Variants in PLCB1 observed in about 807,000 individuals in gnomAD.
The protein encoded by PLCB1 is phospholipase C beta 1, also known as 1-phosphatidylinositol 4,5-bisphosphate phosphodiesterase beta-1.
Under a neutral mutation model 161.8 loss-of-function variants are expected in PLCB1, and 46 were observed. The observed-to-expected ratio is 0.28, with a 90% confidence interval of 0.22 to 0.36. PLCB1 has a LOEUF of 0.36. Ranked by LOEUF, PLCB1 falls within the 10% of genes least tolerant of loss-of-function variation. The pLI is 1.00. For missense variants in PLCB1, 1,016 were observed against 1,472.5 expected, an observed-to-expected ratio of 0.69 and a Z score of 5.07; for synonymous variants, 517 against 503.7, an observed-to-expected ratio of 1.03 and a Z score of -0.35.
chr20:8,401,639 C>A (rs1978556787), intron 3 of PLCB1, among the ~76,000 whole-genome samples: 1 of 152,168 alleles, frequency 6.6e-6, no homozygotes, highest in African/African-American at 2.4e-5. Flanking sequence ...AAAAACATTC[C>A]AAGATAGCTA....
At chr20:8,768,720 G>T (rs896995531) in intron 26 of PLCB1, among the ~76,000 whole-genome samples, 2 of 152,296 alleles carry the variant, frequency 1.3e-5, no homozygotes, top group Middle Eastern at 6.8e-3. Flanking sequence ...AGGTCATGGC[G>T]TGGTGCCCCC....
chr20:8,583,293 A>G (rs2123085093), intron 3 of PLCB1, among the ~76,000 whole-genome samples: 1 of 152,312 alleles, frequency 6.6e-6, no homozygotes, highest in East Asian at 1.9e-4. Flanking sequence ...ATGATTGTAC[A>G]ACAACATGGA....
chr20:8,200,427 G>A (rs1294555381), intron 2 of PLCB1, among the ~76,000 whole-genome samples: 5 of 151,962 alleles, frequency 3.3e-5, no homozygotes, highest in Non-Finnish European at 7.4e-5. Context: ...TGTACCATCA[G>A]CAATATTTAT....
chr20:8,877,049 T>G (rs1987806385), intron 31 of PLCB1, among the ~76,000 whole-genome samples: 1 of 125,398 alleles, frequency 8.0e-6, no homozygotes, highest in African/African-American at 3.2e-5. Flanking sequence ...CAAGGAGGGG[T>G]GAAGAATTAC....
chr20:8,148,922 G>A (rs1029533203), intron 1 of PLCB1, among the ~76,000 whole-genome samples: 1 of 152,208 alleles, frequency 6.6e-6, no homozygotes, highest in African/African-American at 2.4e-5. Context: ...ATAGGGGCAA[G>A]AGGGAATGAG....
chr20:8,877,077 A>G (rs1480045812), intron 31 of PLCB1, among the ~76,000 whole-genome samples: 1 of 152,192 alleles, frequency 6.6e-6, no homozygotes, highest in Non-Finnish European at 1.5e-5. Context: ...TGCACGACCA[A>G]TCTACCATTC....
intron 3 of PLCB1, among the ~76,000 whole-genome samples, chr20:8,612,649 C>T (rs974720449): frequency 6.6e-6 from 1 of 152,148 alleles, no homozygotes; most frequent in Non-Finnish European, 1.5e-5. Context: ...CTGATTGAGC[C>T]ACATGTATCA....
Position 8,800,537 on chromosome 20 carries a change from A to T in PLCB1, c.3423+10276A>T, listed in dbSNP as rs76376353. Reference sequence around the variant, plus strand: ...AGCTTAGCAGATTAACCATTTTGGCATCAAAATGGATTTCGCCCTATCTAA... The same window carrying T: ...AGCTTAGCAGATTAACCATTTTGGCTTCAAAATGGATTTCGCCCTATCTAA... On this transcript the variant is annotated intron_variant, in intron 31 of 31. Coordinates refer to ENST00000338037, the MANE Select transcript of PLCB1 (RefSeq NM_015192.4). Among the ~76,000 whole-genome samples the T allele has an allele frequency of 7.2e-5, 11 of 152,326 alleles. No individual in the cohort carries two copies. In the East Asian group the frequency reaches 1.7e-3, roughly 24 times the overall value.
intron 9 of PLCB1, among the ~76,000 whole-genome samples, chr20:8,674,859 G>T (rs1990035618): frequency 1.3e-5 from 2 of 152,074 alleles, no homozygotes; most frequent in Non-Finnish European, 2.9e-5. Context: ...TGCTTGTTTT[G>T]GAAAAGAGTA....
intron 3 of PLCB1, among the ~76,000 whole-genome samples, chr20:8,615,488 G>A (rs1988019190): frequency 6.6e-6 from 1 of 152,078 alleles, no homozygotes; most frequent in Non-Finnish European, 1.5e-5. Flanking sequence ...TTTCCCTACT[G>A]AATGCAACAA....
chr20:8,841,976 C>T lies in PLCB1; in HGVS notation c.3424-39646C>T, dbSNP rs994342980. The stretch of plus-strand genomic sequence containing the variant: ...TAATAGAGAGTAAATGGAAATAAGA[C>T]ATTAACATTGCCCAACCCCTATTAT... On this transcript the variant is annotated intron_variant, in intron 31 of 31. Coordinates refer to ENST00000338037, the MANE Select transcript of PLCB1 (RefSeq NM_015192.4). Among the ~76,000 whole-genome samples the T allele has an allele frequency of 5.3e-5, 8 of 152,206 alleles. 1 individual carries two copies. Among genetic ancestry groups the T allele is most frequent in the South Asian group, 4.2e-4 (2 of 4,818 alleles).
At chr20:8,810,355 G>A (rs768377517) in intron 31 of PLCB1, among the ~76,000 whole-genome samples, 2 of 152,120 alleles carry the variant, frequency 1.3e-5, no homozygotes, top group African/African-American at 2.4e-5. Flanking sequence ...ACCATAGTAC[G>A]TGTGTTTTCT....
At chr20:8,331,219 A>T (rs767239759) in intron 2 of PLCB1, among the ~76,000 whole-genome samples, 4 of 152,238 alleles carry the variant, frequency 2.6e-5, no homozygotes, top group Non-Finnish European at 5.9e-5. Context: ...TGGTCTGAGG[A>T]CCCATTCTTA....
At chr20:8,182,123 G>T (rs1452231842) in intron 2 of PLCB1, among the ~76,000 whole-genome samples, 3 of 152,160 alleles carry the variant, frequency 2.0e-5, no homozygotes, top group Non-Finnish European at 2.9e-5. Context: ...ATATCATTCT[G>T]AGACACAGAT....
chr20:8,678,581 A>G (rs953241083), intron 9 of PLCB1, among the ~76,000 whole-genome samples: 1 of 152,192 alleles, frequency 6.6e-6, no homozygotes, highest in African/African-American at 2.4e-5. Context: ...CTTCTCGACC[A>G]TGTTGTTTTT....
intron 3 of PLCB1, among the ~76,000 whole-genome samples, chr20:8,496,060 A>T (rs943113813): frequency 1.3e-5 from 2 of 152,186 alleles, no homozygotes; most frequent in African/African-American, 4.8e-5. Context: ...TTTGTAGCTT[A>T]ATCTCCAGTG....
At chr20:8,204,858 C>T (rs1281743710) in intron 2 of PLCB1, among the ~76,000 whole-genome samples, 4 of 152,242 alleles carry the variant, frequency 2.6e-5, no homozygotes, top group Non-Finnish European at 5.9e-5. Context: ...ATGTGTCACA[C>T]CTATGATTTT....
At chr20:8,344,244 C>A (rs1415793475) in intron 2 of PLCB1, among the ~76,000 whole-genome samples, 1 of 152,186 alleles carries the variant, frequency 6.6e-6, no homozygotes, top group Non-Finnish European at 1.5e-5. Context: ...CTCCAGAATG[C>A]ACTGCCAGAT....
At chr20:8,270,564 A>G (rs1017333683) in intron 2 of PLCB1, among the ~76,000 whole-genome samples, 2 of 152,180 alleles carry the variant, frequency 1.3e-5, no homozygotes, top group Non-Finnish European at 2.9e-5. Flanking sequence ...AGGAGAAACT[A>G]TATGTGCTTA....
Sources: allele counts gnomAD v4.1 joint callset (sites outside exome capture counted in the v4.1 genomes callset), GRCh38; gene constraint gnomAD v4.1.1; transcripts MANE v1.5; gene names NCBI Gene and HGNC (gene_info 2026-07-23, HGNC 2026-07-21).